Variants in NPAS3 observed in about 807,000 individuals in gnomAD.
NPAS3 encodes the protein neuronal PAS domain protein 3.
NPAS3 carries 14 observed loss-of-function variants against 73.1 expected under a neutral mutation model. That is an observed-to-expected ratio of 0.19 (90% CI 0.13 to 0.30). NPAS3 has a LOEUF of 0.30. NPAS3 is among the 10% of genes least tolerant of loss of function. The pLI, the probability that NPAS3 is intolerant of heterozygous loss-of-function variation, is 1.00. For synonymous variants in NPAS3, 620 were observed against 541.5 expected (o/e 1.14, Z -2.01); for missense variants, 1,096 against 1,250.0 (o/e 0.88, Z 1.86).
intron 1 of NPAS3, among the ~76,000 whole-genome samples, chr14:33,033,708 G>C (rs867324327): frequency 7.9e-5 from 12 of 152,162 alleles, no homozygotes; most frequent in South Asian, 4.2e-4. Flanking sequence ...TTCCATATTT[G>C]CATTCCACAG....
intron 4 of NPAS3, among the ~76,000 whole-genome samples, chr14:33,557,619 C>G (rs1395833169): frequency 6.6e-6 from 1 of 152,236 alleles, no homozygotes; most frequent in Non-Finnish European, 1.5e-5. Context: ...AAACTCCAAA[C>G]TAGGAATAGG....
intron 3 of NPAS3, among the ~76,000 whole-genome samples, chr14:33,240,063 C>T (rs186460033): frequency 1.3e-5 from 2 of 151,872 alleles, no homozygotes; most frequent in Admixed American, 1.3e-4. Context: ...AGAAAATGTG[C>T]TTTACATCAG....
chr14:33,634,265 A>G (rs543974178), intron 5 of NPAS3, among the ~76,000 whole-genome samples: 4 of 152,294 alleles, frequency 2.6e-5, no homozygotes, highest in East Asian at 3.9e-4. Context: ...TGCACTGTCT[A>G]TTGGCATTAG....
At chr14:33,716,137 T>C (rs1409041132) in intron 6 of NPAS3, among the ~76,000 whole-genome samples, 20 of 152,214 alleles carry the variant, frequency 1.3e-4, no homozygotes, top group Admixed American at 1.3e-3. Flanking sequence ...CTTTGTAACC[T>C]GTCTCCACAC....
chr14:33,078,180 A>T (rs975654606), intron 2 of NPAS3, among the ~76,000 whole-genome samples: 2 of 152,136 alleles, frequency 1.3e-5, no homozygotes, highest in Admixed American at 1.3e-4. Context: ...TAAAAAAAAG[A>T]AAAAGAAAAT....
intron 7 of NPAS3, among the ~76,000 whole-genome samples, chr14:33,770,742 A>G (rs2138437735): frequency 6.6e-6 from 1 of 152,320 alleles, no homozygotes; most frequent in Non-Finnish European, 1.5e-5. Flanking sequence ...TCTACTAAAA[A>G]TACAAAAATT....
At chr14:33,607,431 A>G (rs2057606203) in intron 5 of NPAS3, among the ~76,000 whole-genome samples, 1 of 152,002 alleles carries the variant, frequency 6.6e-6, no homozygotes, top group African/African-American at 2.4e-5. Flanking sequence ...GAGTGATTCC[A>G]TATATATAAA....
chr14:33,474,095 T>C (rs924373830), intron 4 of NPAS3, among the ~76,000 whole-genome samples: 2 of 152,148 alleles, frequency 1.3e-5, no homozygotes, highest in African/African-American at 4.8e-5. Flanking sequence ...GAACGTTCGC[T>C]TTCTCCAGGG....
chr14:33,406,162 C>G (rs1241916357), intron 4 of NPAS3, among the ~76,000 whole-genome samples: 1 of 152,094 alleles, frequency 6.6e-6, no homozygotes, highest in Non-Finnish European at 1.5e-5. Context: ...CTCCTTGGAA[C>G]ATAACAACTA....
chr14:33,079,769 G>A (rs1320683049), intron 2 of NPAS3, among the ~76,000 whole-genome samples: 3 of 150,920 alleles, frequency 2.0e-5, no homozygotes, highest in Admixed American at 6.6e-5. Context: ...GTACCACCAC[G>A]CCTAGCTAAT....
At chr14:33,244,734 TTTAA>T (rs1234472342) in intron 3 of NPAS3, among the ~76,000 whole-genome samples, 1 of 152,182 alleles carries the variant, frequency 6.6e-6, no homozygotes, top group Non-Finnish European at 1.5e-5. Flanking sequence ...TACCAGAGCC[TTTAA>T]TTATTTATGC....
intron 2 of NPAS3, among the ~76,000 whole-genome samples, chr14:33,155,269 G>C (rs1051489567): frequency 3.3e-5 from 5 of 152,318 alleles, no homozygotes; most frequent in Non-Finnish European, 5.9e-5. Context: ...GAATTATTTA[G>C]AGCCAGTTCA....
chr14:33,571,075 A>G (rs2056188933), intron 5 of NPAS3, among the ~76,000 whole-genome samples: 1 of 152,208 alleles, frequency 6.6e-6, no homozygotes, highest in Admixed American at 6.5e-5. Flanking sequence ...TGTTTATAAA[A>G]TTAAGACACT....
At chr14:33,550,377 T>A (rs889300619) in intron 4 of NPAS3, among the ~76,000 whole-genome samples, 1 of 152,258 alleles carries the variant, frequency 6.6e-6, no homozygotes, top group African/African-American at 2.4e-5. Flanking sequence ...TGAATTGTTC[T>A]ACTTTGAAGG....
At chr14:33,166,000 G>C (rs2045126514) in intron 2 of NPAS3, among the ~76,000 whole-genome samples, 1 of 152,154 alleles carries the variant, frequency 6.6e-6, no homozygotes. Flanking sequence ...ATATTGGATG[G>C]TTAAAGTTGC....
intron 4 of NPAS3, among the ~76,000 whole-genome samples, chr14:33,471,305 T>C (rs1034268442): frequency 1.3e-5 from 2 of 152,228 alleles, no homozygotes; most frequent in African/African-American, 4.8e-5. Flanking sequence ...TTACTCCTTA[T>C]TCACCGCTTT....
intron 3 of NPAS3, among the ~76,000 whole-genome samples, chr14:33,296,091 GA>G (rs958203072): frequency 6.6e-6 from 1 of 151,750 alleles, no homozygotes; most frequent in Non-Finnish European, 1.5e-5. Flanking sequence ...AAACAAAACA[GA>G]AAAAAAATGC....
At chr14:32,939,154 A>C (rs1190603957), upstream of NPAS3, 298 of 144,220 alleles carry the variant, frequency 2.1e-3, 2 homozygotes, top group African/African-American at 7.1e-3. Context: ...GGCCACGGCC[A>C]CGGCCCCGGC....
intron 1 of NPAS3, among the ~76,000 whole-genome samples, chr14:33,052,115 T>G (rs909761111): frequency 2.0e-5 from 3 of 152,208 alleles, no homozygotes; most frequent in Non-Finnish European, 4.4e-5. Context: ...AAGTAGGTTT[T>G]GAATTTCTCA....
Sources: allele counts gnomAD v4.1 joint callset (sites outside exome capture counted in the v4.1 genomes callset), GRCh38; gene constraint gnomAD v4.1.1; transcripts MANE v1.5; gene names NCBI Gene and HGNC (gene_info 2026-07-23, HGNC 2026-07-21).